Variants in KLHL25 observed in about 807,000 individuals in gnomAD.
KLHL25 encodes the protein kelch like family member 25.
KLHL25 carries 41 observed loss-of-function variants against 30.0 expected under a neutral mutation model. The observed-to-expected ratio is 1.37, with a 90% confidence interval of 1.07 to 1.78. The LOEUF (loss-of-function observed/expected upper bound fraction) is 1.78. Among genes scored for constraint, KLHL25 ranks in the 40% most tolerant of loss-of-function variants. KLHL25 has a pLI of 0.00. For missense variants in KLHL25, 971 were observed against 824.5 expected, an observed-to-expected ratio of 1.18 and a Z score of -2.18; for synonymous variants, 399 against 355.3, an observed-to-expected ratio of 1.12 and a Z score of -1.38.
intron 1 of KLHL25, among the ~76,000 whole-genome samples, chr15:85,780,341 A>T (rs1240797696): frequency 6.6e-6 from 1 of 152,254 alleles, no homozygotes; most frequent in Non-Finnish European, 1.5e-5. Flanking sequence ...CCAGAGACAG[A>T]AACAAAGAGG....
chr15:85,764,484 C>T (rs1262718959), intron 2 of KLHL25: 1 of 152,360 alleles, frequency 6.6e-6, no homozygotes, highest in Non-Finnish European at 1.5e-5. Flanking sequence ...CCCAGAACGC[C>T]TTGGGGACAT....
intron 1 of KLHL25, among the ~76,000 whole-genome samples, chr15:85,787,949 C>T (rs775182407): frequency 6.7e-6 from 1 of 149,856 alleles, no homozygotes; most frequent in African/African-American, 2.5e-5. Context: ...GTAATCCCAG[C>T]TACTTGGGAG....
intron 1 of KLHL25, among the ~76,000 whole-genome samples, chr15:85,785,615 G>C (rs2614673): frequency 6.6e-6 from 1 of 151,450 alleles, no homozygotes; most frequent in African/African-American, 2.4e-5. Context: ...AAGTGGTTCA[G>C]ACAAAGCCAC....
In KLHL25 at chr15:85,789,633, C is replaced by T. The variant is rs2089803226; in HGVS notation, c.-11+5133G>A. On this transcript the variant is annotated intron_variant, in intron 1 of 2. Coordinates refer to ENST00000337975, the MANE Select transcript of KLHL25 (RefSeq NM_022480.4). The surrounding 1 kb of genome is among the most constrained non-coding windows in gnomAD (Gnocchi z 4.1). ...CCCTGGCTCTGTGCCCAAGGGACAT[C>T]CCACCAGGGAAGTCTCACCCTAGTC... 6.6e-6 allele frequency among the ~76,000 whole-genome samples: 1 copy of T among 152,166 alleles called. No individual in the cohort carries two copies. The highest frequency in any genetic ancestry group is 2.1e-4 in the South Asian group (1 of 4,824).
chr15:85,791,361 G>C (rs1045651078), intron 1 of KLHL25, among the ~76,000 whole-genome samples: 6 of 152,086 alleles, frequency 3.9e-5, no homozygotes, highest in African/African-American at 7.2e-5. Context: ...CAGGCATGGT[G>C]GTGTGTGCCT....
At chr15:85,770,437 C>T (rs1342552070) in intron 1 of KLHL25, 1 of 516,940 alleles carries the variant, frequency 1.9e-6, no homozygotes, top group African/African-American at 1.9e-5. Flanking sequence ...CCAGCAGGCT[C>T]TGCCCTGGGC....
At chr15:85,782,812 T>G (rs1475944279) in intron 1 of KLHL25, among the ~76,000 whole-genome samples, 1 of 152,182 alleles carries the variant, frequency 6.6e-6, no homozygotes, top group Non-Finnish European at 1.5e-5. Flanking sequence ...CACGGTAGCC[T>G]TTCTTCTACT....
chr15:85,782,771 C>T (rs1353643416), intron 1 of KLHL25, among the ~76,000 whole-genome samples: 5 of 152,162 alleles, frequency 3.3e-5, no homozygotes, highest in Admixed American at 2.6e-4. Context: ...CTAGAATGAA[C>T]GTTCTTCTGC....
intron 1 of KLHL25, among the ~76,000 whole-genome samples, chr15:85,781,917 T>C (rs2089745851): frequency 2.0e-5 from 3 of 152,154 alleles, no homozygotes. Context: ...TAGAGCCTGC[T>C]GTCACCGGAG....
At chr15:85,773,978 G>C (rs1203483377) in intron 1 of KLHL25, among the ~76,000 whole-genome samples, 2 of 152,188 alleles carry the variant, frequency 1.3e-5, no homozygotes, top group Non-Finnish European at 2.9e-5. Flanking sequence ...CTAGCAACCA[G>C]AAGAATGGTT....
At chr15:85,766,970 G>C (rs1180338928) in intron 2 of KLHL25, among the ~76,000 whole-genome samples, 3 of 151,808 alleles carry the variant, frequency 2.0e-5, no homozygotes, top group Non-Finnish European at 4.4e-5. Context: ...ATTTAGACAT[G>C]GATGTCATGC....
chr15:85,793,916 G>A (rs151099230), intron 1 of KLHL25, among the ~76,000 whole-genome samples: 206 of 152,330 alleles, frequency 1.4e-3, no homozygotes, highest in African/African-American at 4.7e-3. Context: ...GGCCTCTAGA[G>A]AGATGTTTCT....
chr15:85,769,594 C>T lies in KLHL25; in HGVS notation c.217G>A (p.Ala73Thr), dbSNP rs747185950. The change falls in exon 2 of 3, where the codon GCC (alanine) becomes ACC (threonine). Residue 73 changes from alanine to threonine, a missense_variant. By Grantham distance (58) the Ala-to-Thr change is moderately conservative. Coordinates refer to ENST00000337975, the MANE Select transcript of KLHL25 (RefSeq NM_022480.4). ...VLAASSRYFEAMFSHGLRESR... is the reference protein window; with the variant it reads ...VLAASSRYFETMFSHGLRESR... Reference sequence around the variant, plus strand: ...TCCCGAAGGCCATGGCTGAACATGGCCTCAAAATAGCGGCTAGAGGCGGCC... The same window carrying T: ...TCCCGAAGGCCATGGCTGAACATGGTCTCAAAATAGCGGCTAGAGGCGGCC... 1 of 1,613,780 alleles carries T rather than the reference C, an allele frequency of 6.2e-7. No individual in the cohort carries two copies. Among genetic ancestry groups the T allele is most frequent in the Admixed American group, 1.7e-5 (1 of 60,034 alleles).
chr15:85,787,198 G>A (rs1013007385), intron 1 of KLHL25, among the ~76,000 whole-genome samples: 3 of 139,480 alleles, frequency 2.2e-5, no homozygotes, highest in African/African-American at 5.4e-5. Context: ...TGTAATCCCA[G>A]AACTTTGGGA....
At chr15:85,770,068 T>C (rs2089660931) in intron 1 of KLHL25, among the ~76,000 whole-genome samples, 1 of 152,234 alleles carries the variant, frequency 6.6e-6, no homozygotes, top group Admixed American at 6.5e-5. Flanking sequence ...CAAACATCTC[T>C]GGCCTGCAGA....
rs201379268 is a variant in KLHL25, at chr15:85,768,444, C to A, written c.1367G>T (p.Arg456Leu). The change falls in exon 2 of 3, where the codon CGG becomes CTG. Residue 456 changes from arginine to leucine, a missense_variant. Coordinates refer to ENST00000337975, the MANE Select transcript of KLHL25 (RefSeq NM_022480.4). ...GCACTGGACCTTGGACACCATGTCC[C>A]GGTGGATGCTGGTTCCTCCGAAAAC... is the stretch of plus-strand genomic sequence containing the variant. Reference protein sequence around the residue: ...LFVFGGTSIHRDMVSKVQCYD... With the variant: ...LFVFGGTSIHLDMVSKVQCYD... The A allele has an allele frequency of 1.9e-6, 3 of 1,613,406 alleles. No individual in the cohort carries two copies. Among genetic ancestry groups the A allele is most frequent in the Admixed American group, 3.3e-5 (2 of 60,024 alleles).
intron 1 of KLHL25, among the ~76,000 whole-genome samples, chr15:85,773,458 C>G (rs977254480): frequency 6.6e-6 from 1 of 152,242 alleles, no homozygotes; most frequent in Non-Finnish European, 1.5e-5. Context: ...CCGCCTCCTC[C>G]TCGCACTCAC....
rs549581607 is a variant in KLHL25, at chr15:85,789,382, G to A, written c.-11+5384C>T. On this transcript the variant is annotated intron_variant, in intron 1 of 2. Transcript: ENST00000337975. The surrounding 1 kb of genome is among the most constrained non-coding windows in gnomAD (Gnocchi z 4.1). ...CTCCTGCCCTGCTGGGCTCCCTTGA[G>A]ATCCCTTTTTTTTTTTTTGACAGAA... is the stretch of plus-strand genomic sequence containing the variant. Among the ~76,000 whole-genome samples the A allele has an allele frequency of 7.2e-6, 1 of 138,972 alleles. No homozygotes were observed. The highest frequency in any genetic ancestry group is 2.2e-4 in the East Asian group (1 of 4,540). 91.2% of individuals were successfully genotyped at this position (138,972 alleles called of 152,430 possible).
At position 85,768,070 on chromosome 15, in the gene KLHL25, C is replaced by T; in HGVS notation, c.1741G>A (p.Val581Ile). ...VPYSLIPTAF[V>I]STWKHLPA ...GCGGGCAGGTGCTTCCAGGTGCTGA[C>T]AAAGGCCGTGGGGATAAGTGAGTAG... is the stretch of plus-strand genomic sequence containing the variant. Residue 581 changes from valine (V) to isoleucine (I), a missense_variant, in exon 2 of 3, where the codon GTC (valine) becomes ATC (isoleucine). Transcript: ENST00000337975. 6.2e-7 allele frequency: 1 copy of T among 1,613,038 alleles called. No individual in the cohort carries two copies. Among genetic ancestry groups the T allele is most frequent in the Non-Finnish European group, 8.5e-7 (1 of 1,179,124 alleles).
Sources: allele counts gnomAD v4.1 joint callset (sites outside exome capture counted in the v4.1 genomes callset), GRCh38; gene constraint gnomAD v4.1.1; non-coding constraint Gnocchi (gnomAD v3.1); transcripts MANE v1.5; gene names NCBI Gene and HGNC (gene_info 2026-07-23, HGNC 2026-07-21).